Variants in CHRD observed in about 807,000 individuals in gnomAD.
CHRD encodes the protein chordin.
A neutral mutation model predicts 113.7 loss-of-function variants in CHRD; 69 were observed. The observed-to-expected ratio is 0.61, with a 90% CI of 0.50 to 0.74. The LOEUF (loss-of-function observed/expected upper bound fraction) is 0.74, where lower values mean the gene tolerates loss of function less well. CHRD is among the 30% of genes least tolerant of loss of function. CHRD has a pLI of 0.00. For missense variants in CHRD, 1,194 were observed against 1,295.8 expected, an observed-to-expected ratio of 0.92 and a Z score of 1.21; for synonymous variants, 561 against 540.8, an observed-to-expected ratio of 1.04 and a Z score of -0.52.
rs1250359449 is a variant in CHRD at position 184,381,841 on chromosome 3, G to C, written c.611+26G>C. 1 of 1,611,578 alleles carries C rather than the reference G, an allele frequency of 6.2e-7. No individual in the cohort carries two copies. Among genetic ancestry groups the C allele is most frequent in the Non-Finnish European group, 8.5e-7 (1 of 1,178,824 alleles). ...GTGAGAAAGGGGAAGGAGCAAGGAG[G>C]GGTCAGCTGCCGGGGCCCGGGAGGG... On this transcript the variant is annotated intron_variant, in intron 5 of 22. Transcript: ENST00000204604. This position sits in a 1 kb window ranked among gnomAD's most constrained non-coding sequence, Gnocchi z 4.7.
rs2033430070 is a variant in CHRD, at chr3:184,380,372, G to C, written c.54G>C (p.Leu18=). ...CGCTGCTGCTCCTCGGGCTGCTGCT[G>C]CTCGGCTCCCGGCCGGCCCGCGGCG... The change falls in exon 1 of 23, where the codon CTG becomes CTC. Residue 18 remains leucine, a synonymous_variant. Transcript: ENST00000204604. The surrounding 1 kb of genome is among the most constrained non-coding windows in gnomAD (Gnocchi z 6.3). 3.0e-6 allele frequency: 4 copies of C among 1,350,982 alleles called. No individual in the cohort carries two copies. Among genetic ancestry groups the C allele is most frequent in the African/African-American group, 3.1e-5 (2 of 64,538 alleles). 83.7% of individuals were successfully genotyped at this position (1,350,982 alleles called of 1,614,324 possible).
Position 184,380,370 on chromosome 3 carries a change from C to T in CHRD, c.52C>T (p.Leu18=). Reference sequence around the variant, plus strand: ...CCCGCTGCTGCTCCTCGGGCTGCTGCTGCTCGGCTCCCGGCCGGCCCGCGG... The same window carrying T: ...CCCGCTGCTGCTCCTCGGGCTGCTGTTGCTCGGCTCCCGGCCGGCCCGCGG... The change falls in exon 1 of 23, where the codon CTG becomes TTG. Residue 18 remains leucine (L), a synonymous_variant. Transcript: ENST00000204604. The surrounding 1 kb of genome is among the most constrained non-coding windows in gnomAD (Gnocchi z 6.3). The T allele has an allele frequency of 7.4e-7, 1 of 1,351,450 alleles. No individual in the cohort carries two copies. Among genetic ancestry groups the T allele is most frequent in the Non-Finnish European group, 9.6e-7 (1 of 1,041,024 alleles). The allele number at this position is 1,351,450 out of a possible 1,614,324, so 83.7% of individuals were successfully genotyped here.
Position 184,388,237 on chromosome 3 carries a change from GTCCATCCATCCATCCATCCATCCA to G in CHRD, c.2554+228_2554+251del, listed in dbSNP as rs3064288. Among the ~76,000 whole-genome samples the G allele has an allele frequency of 1.3e-4, 18 of 138,064 alleles. No homozygotes were observed. Among genetic ancestry groups the G allele is most frequent in the African/African-American group, 3.9e-4 (14 of 36,028 alleles). 90.6% of individuals were successfully genotyped at this position (138,064 alleles called of 152,430 possible). ...GTTCTGGTTCCTGCTCCATCCATCCGTCCATCCATCCATCCATCCATCCATCCATCCATCCATCCATCCATCCGT... is the reference window on the plus strand; with the variant it reads ...GTTCTGGTTCCTGCTCCATCCATCCGTCCATCCATCCATCCATCCATCCGT... On this transcript the variant is annotated intron_variant, in intron 20 of 22. Transcript: ENST00000204604. This position sits in a 1 kb window ranked among gnomAD's most constrained non-coding sequence, Gnocchi z 6.1.
rs1033740147 is a variant in CHRD, at chr3:184,389,688, A to T, written c.*266A>T. The T allele has an allele frequency of 2.4e-5, 11 of 467,362 alleles. 2 individuals are homozygous for T. 29.0% of individuals were successfully genotyped at this position (467,362 alleles called of 1,614,324 possible). ...AAGCCCCACCCCTTTCCTCCTGTACATAATGTCACTGGCTTGTTGGGATTT... is the reference window on the plus strand; with the variant it reads ...AAGCCCCACCCCTTTCCTCCTGTACTTAATGTCACTGGCTTGTTGGGATTT... On this transcript the variant is annotated 3_prime_UTR_variant, in exon 23 of 23. Coordinates refer to ENST00000204604, the Ensembl canonical transcript of CHRD.
Position 184,382,388 on chromosome 3 carries a change from G to A in CHRD, c.700-1G>A. ...AGGGCCTTCTTGTCTCTCTGCTCCAGGTCTGTGGGGTGTGGCGGGCAGTGC... is the reference window on the plus strand; with the variant it reads ...AGGGCCTTCTTGTCTCTCTGCTCCAAGTCTGTGGGGTGTGGCGGGCAGTGC... On this transcript the variant is annotated splice_acceptor_variant, in intron 6 of 22. Transcript: ENST00000204604. LOFTEE classifies it high-confidence loss of function. 1 of 1,614,178 alleles carries A rather than the reference G, an allele frequency of 6.2e-7. No homozygotes were observed. The highest frequency in any genetic ancestry group is 8.5e-7 in the Non-Finnish European group (1 of 1,180,028).
At chr3:184,386,643 G>T (rs979023175) in exon 16 of CHRD, 2 of 1,610,416 alleles carry the variant, frequency 1.2e-6, no homozygotes, top group Non-Finnish European at 1.7e-6. Flanking sequence ...AAACCTGGTG[G>T]TCCTGGGCGG....
At chr3:184,390,283 T>C (rs1042501050), downstream of CHRD, 2 of 140,472 alleles carry the variant, frequency 1.4e-5, no homozygotes, top group Non-Finnish European at 3.1e-5. Flanking sequence ...TCTCCTTCGT[T>C]CACAGCAATG....
intron 22 of CHRD, 22 bp from the exon 23 acceptor site, chr3:184,389,345 A>G (rs754701803): frequency 1.2e-6 from 2 of 1,611,478 alleles, no homozygotes; most frequent in Non-Finnish European, 1.7e-6. Context: ...CTCCTCCAAC[A>G]TTCCCTCCCT....
Position 184,385,195 on chromosome 3 carries a change from C to T in CHRD, c.1775C>T (p.Thr592Met), listed in dbSNP as rs199856196. 1.2e-4 allele frequency: 193 copies of T among 1,614,068 alleles called. 1 individual carries two copies. In the South Asian group the frequency reaches 1.6e-3, roughly 14 times the overall value. Residue 592 changes from threonine (T) to methionine (M), a missense_variant, in exon 14 of 23, where the codon ACG (threonine) becomes ATG (methionine). Physicochemically the swap from Thr to Met is moderately conservative, Grantham distance 81. Transcript: ENST00000204604. ...GCCCACCTCCTTGGGCCTCCTGGAA[C>T]GCCAGGGCCTCGGCGGCTGCTGAAG...
Position 184,388,142 on chromosome 3 carries a change from C to CCAGGCTAGGCACAGAGCAG in CHRD, c.2554+109_2554+110insCAGGCTAGGCACAGAGCAG. 2 of 924,198 alleles carry CCAGGCTAGGCACAGAGCAG rather than the reference C, an allele frequency of 2.2e-6. No individual in the cohort carries two copies. Among genetic ancestry groups the CCAGGCTAGGCACAGAGCAG allele is most frequent in the African/African-American group, 1.6e-5 (1 of 61,466 alleles). The allele number at this position is 924,198 out of a possible 1,614,324, so 57.2% of individuals were successfully genotyped here. On this transcript the variant is annotated intron_variant, in intron 20 of 22. Coordinates refer to ENST00000204604, the Ensembl canonical transcript of CHRD. The surrounding 1 kb of genome is among the most constrained non-coding windows in gnomAD (Gnocchi z 6.1). Reference sequence around the variant, plus strand: ...ATTGAGCATTATACTGAGCACTGCTCTGTGCCTAGCCTGGAGCCAGGACTC... The same window carrying CCAGGCTAGGCACAGAGCAG: ...ATTGAGCATTATACTGAGCACTGCTCCAGGCTAGGCACAGAGCAGTGTGCCTAGCCTGGAGCCAGGACTC...
In CHRD at chr3:184,381,623, G is replaced by A; in HGVS notation, c.510G>A (p.Thr170=). Residue 170 remains threonine (T), a splice_region_variant and synonymous_variant, in exon 4 of 23, where the codon ACG becomes ACA. Coordinates refer to ENST00000204604, the Ensembl canonical transcript of CHRD. The surrounding 1 kb of genome is among the most constrained non-coding windows in gnomAD (Gnocchi z 4.7). ...AGCGGGCCCGTGGTGACGGCCACAC[G>A]GGTAGGGGGCTGGCGAACAGCGGGG... 6.2e-7 allele frequency: 1 copy of A among 1,605,602 alleles called. No individual in the cohort carries two copies. The highest frequency in any genetic ancestry group is 8.5e-7 in the Non-Finnish European group (1 of 1,175,654).
exon 11 of CHRD, chr3:184,383,390 T>C: frequency 3.7e-6 from 6 of 1,613,824 alleles, no homozygotes; most frequent in Non-Finnish European, 5.1e-6. Context: ...AGCCTCACGC[T>C]GCTAGGAAAT....
rs766381058 is a variant in CHRD, at chr3:184,387,920, G to A, written c.2452-11G>A. The A allele has an allele frequency of 6.2e-7, 1 of 1,607,222 alleles. No individual in the cohort carries two copies. Among genetic ancestry groups the A allele is most frequent in the African/African-American group, 1.3e-5 (1 of 75,022 alleles). ...CCTGCCTGACACTCCTTGCTCAATG[G>A]ATCCCTACAGGGGGGCACTGGAGAG... On this transcript the variant is annotated splice_polypyrimidine_tract_variant and intron_variant, in intron 19 of 22. Transcript: ENST00000204604. This position sits in a 1 kb window ranked among gnomAD's most constrained non-coding sequence, Gnocchi z 6.1.
Position 184,386,730 on chromosome 3 carries a change from C to T in CHRD, c.2171C>T (p.Pro724Leu), listed in dbSNP as rs781476129. 2.0e-5 allele frequency: 32 copies of T among 1,612,582 alleles called. No individual in the cohort carries two copies. The highest frequency in any genetic ancestry group is 1.6e-4 in the Middle Eastern group (1 of 6,082). ...GCTCGCTGGGCGCCCAACTACGACC[C>T]GCTCTGCTCACTCTGCACCTGCCAG... is the stretch of plus-strand genomic sequence containing the variant. The change falls in exon 16 of 23, where the codon CCG (proline) becomes CTG (leucine). Residue 724 changes from proline (P) to leucine (L), a missense_variant. Physicochemically the swap from Pro to Leu is moderately conservative, Grantham distance 98 (BLOSUM62 -3). Coordinates refer to ENST00000204604, the Ensembl canonical transcript of CHRD.
chr3:184,384,582 C>A lies in CHRD; in HGVS notation c.1486C>A (p.Leu496Met). The A allele has an allele frequency of 6.2e-7, 1 of 1,605,848 alleles. No individual in the cohort carries two copies. The highest frequency in any genetic ancestry group is 1.3e-5 in the African/African-American group (1 of 74,838). ...GCTGGGTGCCCGAGGGGCTCATATG[C>A]TGCTGCAGAATGAGCTCTTCCTGAA... Residue 496 changes from leucine (L) to methionine (M), a missense_variant, in exon 13 of 23, where the codon CTG becomes ATG. Transcript: ENST00000204604. This position sits in a 1 kb window ranked among gnomAD's most constrained non-coding sequence, Gnocchi z 4.4.
rs1715403708 is a variant in CHRD at position 184,381,489 on chromosome 3, C to G, written c.383-7C>G. 4 of 1,587,762 alleles carry G rather than the reference C, an allele frequency of 2.5e-6. No homozygotes were observed. The highest frequency in any genetic ancestry group is 3.4e-6 in the Non-Finnish European group (4 of 1,167,718). ...TGAAGCCCGTGTTCTTACCCCCCCGCCCGCAGAGCGCAGCAGTTCGGAGCG... is the reference window on the plus strand; with the variant it reads ...TGAAGCCCGTGTTCTTACCCCCCCGGCCGCAGAGCGCAGCAGTTCGGAGCG... On this transcript the variant is annotated splice_polypyrimidine_tract_variant and splice_region_variant and intron_variant, in intron 3 of 22. Coordinates refer to ENST00000204604, the Ensembl canonical transcript of CHRD. This position sits in a 1 kb window ranked among gnomAD's most constrained non-coding sequence, Gnocchi z 4.7.
At position 184,381,128 on chromosome 3, in the gene CHRD, C is replaced by T; in HGVS notation, c.253-107C>T. Reference sequence around the variant, plus strand: ...AAGTAGCTTGTCTAGGGTCACGCAGCTTGTAAGTGGCAGAGCTGGCTGACT... The same window carrying T: ...AAGTAGCTTGTCTAGGGTCACGCAGTTTGTAAGTGGCAGAGCTGGCTGACT... On this transcript the variant is annotated intron_variant, in intron 2 of 22. Transcript: ENST00000204604. The surrounding 1 kb of genome is among the most constrained non-coding windows in gnomAD (Gnocchi z 4.7). 1 of 1,311,452 alleles carries T rather than the reference C, an allele frequency of 7.6e-7. No homozygotes were observed. The highest frequency in any genetic ancestry group is 1.1e-6 in the Non-Finnish European group (1 of 912,178). The allele number at this position is 1,311,452 out of a possible 1,614,324, so 81.2% of individuals were successfully genotyped here.
At chr3:184,385,984 T>C in intron 14 of CHRD, 62 bp from the exon 15 acceptor site, 1 of 1,529,566 alleles carries the variant, frequency 6.5e-7, no homozygotes, top group Middle Eastern at 1.7e-4. Flanking sequence ...ATCTGTGAAC[T>C]GGGGACAGTA....
In CHRD at chr3:184,380,919, T is replaced by G; in HGVS notation, c.252+124T>G. On this transcript the variant is annotated intron_variant, in intron 2 of 22. Coordinates refer to ENST00000204604, the Ensembl canonical transcript of CHRD. The surrounding 1 kb of genome is among the most constrained non-coding windows in gnomAD (Gnocchi z 6.3). ...TCGGCAGATGTTGGGGATATTTTTC[T>G]GGTGGAGGAAGGGGAATCAGCCCCT... The G allele has an allele frequency of 1.2e-6, 1 of 810,264 alleles. No homozygotes were observed. Among genetic ancestry groups the G allele is most frequent in the Non-Finnish European group, 2.0e-6 (1 of 494,500 alleles). 50.2% of individuals were successfully genotyped at this position (810,264 alleles called of 1,614,324 possible).
Sources: allele counts gnomAD v4.1 joint callset (sites outside exome capture counted in the v4.1 genomes callset), GRCh38; gene constraint gnomAD v4.1.1; non-coding constraint Gnocchi (gnomAD v3.1); transcripts MANE v1.5; gene names NCBI Gene and HGNC (gene_info 2026-07-23, HGNC 2026-07-21).